BDP1: variants seen among roughly 807,000 people sequenced by gnomAD.
The protein encoded by BDP1 is BDP1 general transcription factor IIIB subunit, also known as transcription factor TFIIIB component B'' homolog.
A neutral mutation model predicts 266.6 loss-of-function variants in BDP1; 169 were observed. The ratio of observed to expected loss-of-function variants is 0.63; its 90% CI spans 0.56 to 0.72. The LOEUF is 0.72. Ranked by LOEUF, BDP1 falls within the 30% of genes least tolerant of loss-of-function variation. The probability of loss-of-function intolerance (pLI) is 0.00; values close to 1 mark genes in which losing one functional copy is unlikely to be tolerated. For missense variants in BDP1, 3,015 were observed against 3,053.8 expected, an observed-to-expected ratio of 0.99 and a Z score of 0.30; for synonymous variants, 1,090 against 1,022.4, an observed-to-expected ratio of 1.07 and a Z score of -1.26.
intron 25 of BDP1, among the ~76,000 whole-genome samples, chr5:71,527,322 T>G (rs1437530627): frequency 6.6e-6 from 1 of 152,104 alleles, no homozygotes; most frequent in Non-Finnish European, 1.5e-5. Context: ...TTGAGCCCCA[T>G]CTCTATGCCG....
At chr5:71,540,199 C>T (rs975189319) in intron 28 of BDP1, among the ~76,000 whole-genome samples, 12 of 152,184 alleles carry the variant, frequency 7.9e-5, no homozygotes, top group Admixed American at 2.0e-4. Context: ...TTTACTATCT[C>T]AATATCTTTT....
At chr5:71,555,733 G>A (rs1334430150) in intron 35 of BDP1, among the ~76,000 whole-genome samples, 2 of 152,148 alleles carry the variant, frequency 1.3e-5, no homozygotes, top group African/African-American at 2.4e-5. Flanking sequence ...GGGCCACCAC[G>A]CCCGGCCGAA....
At chr5:71,457,591 G>T (rs1299641108) in intron 1 of BDP1, among the ~76,000 whole-genome samples, 1 of 152,106 alleles carries the variant, frequency 6.6e-6, no homozygotes, top group Non-Finnish European at 1.5e-5. Flanking sequence ...GGGGTTACAG[G>T]TGTGAGCCAC....
chr5:71,457,418 C>G (rs567915253), intron 1 of BDP1, among the ~76,000 whole-genome samples: 114 of 150,946 alleles, frequency 7.6e-4, no homozygotes, highest in African/African-American at 2.7e-3. Context: ...CGGGTTCTTG[C>G]AATTCTCCTG....
chr5:71,477,001 GC>G (rs1431871932), intron 7 of BDP1, among the ~76,000 whole-genome samples: 1 of 151,346 alleles, frequency 6.6e-6, no homozygotes, highest in African/African-American at 2.4e-5. Flanking sequence ...ATCGTGCCCG[GC>G]CCCCCCACCT....
chr5:71,560,334 A>G (rs1302736943), intron 37 of BDP1, 97 bp downstream of exon 37: 2 of 1,281,756 alleles, frequency 1.6e-6, no homozygotes, highest in Non-Finnish European at 2.1e-6. Context: ...GATGGTGTTT[A>G]ATAAACATAT....
chr5:71,513,445 T>G lies in BDP1; in HGVS notation c.4470+38T>G, dbSNP rs763470600. 5.4e-6 allele frequency: 6 copies of G among 1,104,086 alleles called. No individual in the cohort carries two copies. In the Admixed American group the frequency reaches 7.7e-5, roughly 14 times the overall value. 68.4% of individuals were successfully genotyped at this position (1,104,086 alleles called of 1,614,324 possible). A position where few individuals can be genotyped will look rare whatever the true frequency, so the allele number is the denominator to read the frequency against. ...GAGATGGAAGTTCTGTGTGGGTGTT[T>G]TTTTTTTTTTTTAAGTTATTAGGAC... is the stretch of plus-strand genomic sequence containing the variant. On this transcript the variant is annotated intron_variant, in intron 19 of 38. Transcript: ENST00000358731.
intron 7 of BDP1, among the ~76,000 whole-genome samples, chr5:71,477,940 C>T (rs1762693887): frequency 6.6e-6 from 1 of 152,036 alleles, no homozygotes; most frequent in Admixed American, 6.6e-5. Flanking sequence ...TTTTATCCTA[C>T]TCTACTGGCC....
the BDP1 span, among the ~76,000 whole-genome samples, chr5:71,576,044 C>CA: frequency 6.6e-6 from 1 of 152,196 alleles, no homozygotes; most frequent in Non-Finnish European, 1.5e-5. Flanking sequence ...CATCAACCCC[C>CA]ATAACCTGGG....
chr5:71,469,440 T>A (rs1278090190), intron 6 of BDP1, among the ~76,000 whole-genome samples: 3 of 152,114 alleles, frequency 2.0e-5, no homozygotes, highest in Admixed American at 1.3e-4. Flanking sequence ...GTGCGTGGCC[T>A]CTTGTGTATT....
chr5:71,477,939 A>G (rs1446586290), intron 7 of BDP1, among the ~76,000 whole-genome samples: 1 of 151,852 alleles, frequency 6.6e-6, no homozygotes, highest in Non-Finnish European at 1.5e-5. Flanking sequence ...CTTTTATCCT[A>G]CTCTACTGGC....
chr5:71,573,562 T>C, the BDP1 span, among the ~76,000 whole-genome samples: 26 of 152,338 alleles, frequency 1.7e-4, no homozygotes, highest in South Asian at 5.4e-3. Flanking sequence ...TACTAGAATC[T>C]GTGTTTGGTG....
intron 9 of BDP1, 125 bp downstream of exon 9, chr5:71,486,752 A>AG: frequency 1.4e-6 from 1 of 733,626 alleles, no homozygotes; most frequent in Non-Finnish European, 2.1e-6. Flanking sequence ...ATCCAGTTGG[A>AG]GGGAGTATAT....
intron 21 of BDP1, 62 bp downstream of exon 21, chr5:71,516,333 C>A: frequency 1.6e-6 from 2 of 1,247,046 alleles, no homozygotes; most frequent in Non-Finnish European, 2.3e-6. Flanking sequence ...CAAGTTATAG[C>A]TCAGACATAG....
chr5:71,555,386 A>G (rs1216562146), intron 35 of BDP1, among the ~76,000 whole-genome samples: 2 of 149,522 alleles, frequency 1.3e-5, no homozygotes, highest in East Asian at 2.0e-4. Context: ...TGATTCACCT[A>G]TTTGTTCTGG....
intron 18 of BDP1, 81 bp downstream of exon 18, chr5:71,512,509 C>T (rs1764984242): frequency 1.1e-6 from 1 of 947,080 alleles, no homozygotes; most frequent in African/African-American, 1.7e-5. Flanking sequence ...CAAGATATAA[C>T]ATATACAGGA....
intron 22 of BDP1, 81 bp downstream of exon 22, chr5:71,517,533 A>G: frequency 8.5e-7 from 1 of 1,170,254 alleles, no homozygotes; most frequent in South Asian, 1.6e-5. Context: ...TTATATATTA[A>G]TAACTTCACA....
chr5:71,515,875 T>A (rs974844207), intron 20 of BDP1, among the ~76,000 whole-genome samples, 186 bp from the exon 21 acceptor site: 1 of 152,200 alleles, frequency 6.6e-6, no homozygotes, highest in Non-Finnish European at 1.5e-5. Flanking sequence ...TATTACCTTT[T>A]AAGAATTGAC....
chr5:71,458,410 T>C (rs950603165), intron 1 of BDP1, among the ~76,000 whole-genome samples, 169 bp from the exon 2 acceptor site: 12 of 152,122 alleles, frequency 7.9e-5, no homozygotes, highest in African/African-American at 2.7e-4. Flanking sequence ...AAAGATTTAC[T>C]AAACAAATTT....
Sources: allele counts gnomAD v4.1 joint callset (sites outside exome capture counted in the v4.1 genomes callset), GRCh38; gene constraint gnomAD v4.1.1; transcripts MANE v1.5; gene names NCBI Gene and HGNC (gene_info 2026-07-23, HGNC 2026-07-21).